Variants in GMDS observed in about 807,000 individuals in gnomAD.
GMDS encodes GDP-mannose 4,6-dehydratase.
A neutral mutation model predicts 49.9 loss-of-function variants in GMDS; 20 were observed. The observed-to-expected ratio is 0.40, with a 90% CI of 0.28 to 0.58. The LOEUF is 0.58. GMDS is among the 20% of genes least tolerant of loss of function. The probability of loss-of-function intolerance (pLI) is 0.42; values close to 1 mark genes in which losing one functional copy is unlikely to be tolerated. For synonymous variants in GMDS, 177 were observed against 178.6 expected, an observed-to-expected ratio of 0.99 and a Z score of 0.07; for missense variants, 362 against 481.4, an observed-to-expected ratio of 0.75 and a Z score of 2.32.
chr6:1,923,502 G>C (rs1204677936), intron 7 of GMDS, among the ~76,000 whole-genome samples: 1 of 152,230 alleles, frequency 6.6e-6, no homozygotes, highest in Non-Finnish European at 1.5e-5. Context: ...GATTGCTCCT[G>C]CTGGTGACCA....
intron 4 of GMDS, among the ~76,000 whole-genome samples, chr6:1,984,980 G>GA (rs1235262861): frequency 6.6e-6 from 1 of 152,198 alleles, no homozygotes; most frequent in African/African-American, 2.4e-5. Context: ...CAGCCCCCAT[G>GA]AGTAACAGGG....
chr6:1,794,843 T>A (rs974858908), intron 7 of GMDS, among the ~76,000 whole-genome samples: 6 of 152,126 alleles, frequency 3.9e-5, no homozygotes, highest in Non-Finnish European at 8.8e-5. Context: ...AAAGTTAATT[T>A]ACAGGGGTGA....
At chr6:1,929,032 A>G (rs1220231436) in intron 7 of GMDS, among the ~76,000 whole-genome samples, 1 of 152,184 alleles carries the variant, frequency 6.6e-6, no homozygotes, top group East Asian at 1.9e-4. Flanking sequence ...TTCAAAATCT[A>G]AAGTCAAAGC....
chr6:1,862,083 A>T (rs1758215016), intron 7 of GMDS, among the ~76,000 whole-genome samples: 1 of 152,236 alleles, frequency 6.6e-6, no homozygotes, highest in African/African-American at 2.4e-5. Context: ...TAAATCTTTG[A>T]GTACTTAACT....
intron 6 of GMDS, among the ~76,000 whole-genome samples, chr6:1,934,113 G>A (rs561703785): frequency 6.6e-6 from 1 of 152,254 alleles, no homozygotes; most frequent in African/African-American, 2.4e-5. Flanking sequence ...AGCTGTCTCA[G>A]TATTATTTGT....
At chr6:1,628,811 T>G (rs1351483939) in intron 9 of GMDS, among the ~76,000 whole-genome samples, 1 of 152,198 alleles carries the variant, frequency 6.6e-6, no homozygotes, top group Non-Finnish European at 1.5e-5. Context: ...GCGAAATATC[T>G]TCAGGAATTT....
intron 4 of GMDS, among the ~76,000 whole-genome samples, chr6:2,106,052 T>TAAAG (rs1158849933): frequency 1.3e-5 from 2 of 152,198 alleles, no homozygotes; most frequent in African/African-American, 4.8e-5. Flanking sequence ...AAAGCAAATC[T>TAAAG]AAATTCGCTG....
chr6:1,832,055 G>C (rs531101647), intron 7 of GMDS, among the ~76,000 whole-genome samples: 1 of 152,096 alleles, frequency 6.6e-6, no homozygotes, highest in African/African-American at 2.4e-5. Context: ...AGTGAAGGTA[G>C]GGTACAGAAT....
intron 4 of GMDS, among the ~76,000 whole-genome samples, chr6:2,112,916 C>G (rs1581666991): frequency 1.3e-5 from 2 of 152,094 alleles, no homozygotes; most frequent in African/African-American, 4.8e-5. Flanking sequence ...CACTATCAAC[C>G]TGTTTCCAAG....
chr6:1,960,998 T>C, intron 4 of GMDS, 32 bp from the exon 5 acceptor site: 1 of 1,395,106 alleles, frequency 7.2e-7, no homozygotes, highest in Non-Finnish European at 9.8e-7. Flanking sequence ...AGGGCTGCAT[T>C]AATAGCTTCA....
At chr6:2,012,760 T>C (rs1767636671) in intron 4 of GMDS, among the ~76,000 whole-genome samples, 1 of 152,132 alleles carries the variant, frequency 6.6e-6, no homozygotes, top group African/African-American at 2.4e-5. Context: ...ATGCACTAGC[T>C]TGGGAGTTAA....
intron 1 of GMDS, among the ~76,000 whole-genome samples, chr6:2,237,614 C>T (rs1038974984): frequency 2.0e-5 from 3 of 151,050 alleles, no homozygotes; most frequent in Non-Finnish European, 2.9e-5. Flanking sequence ...CTCTGCCTCC[C>T]GGGTTCAAGC....
Position 2,024,923 on chromosome 6 carries a change from A to T in GMDS, c.346-63957T>A, listed in dbSNP as rs140848103. On this transcript the variant is annotated intron_variant, in intron 4 of 10. Coordinates refer to ENST00000380815, the MANE Select transcript of GMDS (RefSeq NM_001500.4). The stretch of plus-strand genomic sequence containing the variant: ...AAGAAATCTCAGGCAACTAGTCACA[A>T]AAAGAAAGTTGATTTAGCATTAATC... Among the ~76,000 whole-genome samples the T allele has an allele frequency of 4.3e-4, 65 of 152,162 alleles. No homozygotes were observed. In the East Asian group the frequency reaches 0.012, roughly 28 times the overall value.
At chr6:1,707,135 A>G (rs1344010448) in intron 9 of GMDS, among the ~76,000 whole-genome samples, 1 of 152,182 alleles carries the variant, frequency 6.6e-6, no homozygotes, top group Non-Finnish European at 1.5e-5. Flanking sequence ...TGCCTCTCAA[A>G]TGTTGCTTAC....
At chr6:1,939,546 C>CAT in intron 6 of GMDS, among the ~76,000 whole-genome samples, 1 of 140,188 alleles carries the variant, frequency 7.1e-6, no homozygotes, top group Middle Eastern at 3.8e-3. Context: ...CACATATATA[C>CAT]ATATATATAC....
chr6:2,159,878 T>A (rs1415741082), intron 1 of GMDS, among the ~76,000 whole-genome samples: 3 of 152,004 alleles, frequency 2.0e-5, no homozygotes, highest in Admixed American at 2.0e-4. Flanking sequence ...TTGTCACAAA[T>A]CTCCAAAACA....
intron 7 of GMDS, among the ~76,000 whole-genome samples, chr6:1,853,314 C>G (rs900708532): frequency 6.6e-6 from 1 of 151,160 alleles, no homozygotes; most frequent in Non-Finnish European, 1.5e-5. Context: ...GTCAGGAGAT[C>G]GAGACCATCC....
intron 4 of GMDS, among the ~76,000 whole-genome samples, chr6:2,003,080 T>C (rs1415000441): frequency 1.3e-5 from 2 of 152,148 alleles, no homozygotes; most frequent in African/African-American, 2.4e-5. Context: ...TACCTGATAA[T>C]AAAGTATATG....
intron 4 of GMDS, among the ~76,000 whole-genome samples, chr6:2,114,706 G>T (rs1023430859): frequency 6.6e-6 from 1 of 152,192 alleles, no homozygotes; most frequent in South Asian, 2.1e-4. Flanking sequence ...ACATTTGAAA[G>T]AAATACATAT....
Sources: allele counts gnomAD v4.1 joint callset (sites outside exome capture counted in the v4.1 genomes callset), GRCh38; gene constraint gnomAD v4.1.1; transcripts MANE v1.5; gene names NCBI Gene and HGNC (gene_info 2026-07-23, HGNC 2026-07-21).